CPT1A: variants seen among roughly 807,000 people sequenced by gnomAD.
CPT1A encodes the protein carnitine O-palmitoyltransferase 1, liver isoform.
CPT1A carries 64 observed loss-of-function variants against 100.8 expected under a neutral mutation model. That is an observed-to-expected ratio of 0.63 (90% CI 0.52 to 0.78). The LOEUF (loss-of-function observed/expected upper bound fraction) is 0.78, where lower values mean the gene tolerates loss of function less well. Among genes scored for constraint, CPT1A ranks in the 30% least tolerant of loss-of-function variants. The pLI is 0.00. For synonymous variants in CPT1A, 363 were observed against 396.0 expected (o/e 0.92, Z 0.99); for missense variants, 802 against 1,034.1 (o/e 0.78, Z 3.08).
intron 9 of CPT1A, among the ~76,000 whole-genome samples, chr11:68,792,310 C>G (rs961470300): frequency 6.6e-6 from 1 of 152,094 alleles, no homozygotes; most frequent in Non-Finnish European, 1.5e-5. Flanking sequence ...GCACTCCAGC[C>G]TGGGCAACAG....
At position 68,760,462 on chromosome 11, in the gene CPT1A, T is replaced by A; in HGVS notation, c.2029-124A>T. On this transcript the variant is annotated intron_variant, in intron 16 of 18. Coordinates refer to ENST00000265641, the MANE Select transcript of CPT1A (RefSeq NM_001876.4). ...TTGTTCCACACACCACAAGTCTATG[T>A]CTCCAAAGGCCTCACTGGCTTGGGC... is the stretch of plus-strand genomic sequence containing the variant. The A allele has an allele frequency of 4.8e-6, 4 of 833,156 alleles. No individual in the cohort carries two copies. The South Asian group carries it at 5.8e-5, about 12-fold the overall frequency. The allele number at this position is 833,156 out of a possible 1,614,324, so 51.6% of individuals were successfully genotyped here.
At chr11:68,799,975 A>T (rs1024504352) in intron 5 of CPT1A, among the ~76,000 whole-genome samples, 1 of 152,214 alleles carries the variant, frequency 6.6e-6, no homozygotes, top group Non-Finnish European at 1.5e-5. Context: ...AGAGTTGACA[A>T]GAAAAGTTAA....
At chr11:68,789,635 C>G (rs1049331635) in intron 9 of CPT1A, among the ~76,000 whole-genome samples, 5 of 152,180 alleles carry the variant, frequency 3.3e-5, no homozygotes, top group Non-Finnish European at 7.4e-5. Context: ...CTCCTGACCT[C>G]AAGTGATCCA....
At position 68,841,651 on chromosome 11, in the gene CPT1A, C is replaced by T. The variant is rs138827424; in HGVS notation, c.-14+124G>A. On this transcript the variant is annotated intron_variant, in intron 1 of 18. Transcript: ENST00000265641. This position sits in a 1 kb window ranked among gnomAD's most constrained non-coding sequence, Gnocchi z 6.3. ...GAATACCGGGGTTCCTCTCGGCGCC[C>T]CGGTTCCGGCGGCGTCCCCCACCCG... 8,077 of 457,202 alleles carry T rather than the reference C, an allele frequency of 0.018. 591 individuals carry two copies. The highest frequency in any genetic ancestry group is 0.15 in the African/African-American group (7,275 of 47,058). 28.3% of individuals were successfully genotyped at this position (457,202 alleles called of 1,614,324 possible).
At chr11:68,784,778 AC>A (rs781710651) in intron 10 of CPT1A, 36 bp downstream of exon 10, 7 of 1,590,670 alleles carry the variant, frequency 4.4e-6, no homozygotes, top group Non-Finnish European at 5.1e-6. Context: ...CGCCTCCACC[AC>A]CCCCCAAAAC....
At position 68,759,631 on chromosome 11, in the gene CPT1A, T is replaced by C. The variant is rs773269662; in HGVS notation, c.2173A>G (p.Ile725Val). ...TTGATGAGGTTCTCTCCCACAAGGA[T>C]GTACGACACACCATAGCCGTCATCA... ...VADDGYGVSY[I>V]LVGENLINFH... The change falls in exon 18 of 19, where the codon ATC becomes GTC. Residue 725 changes from isoleucine (I) to valine (V), a missense_variant. Physicochemically the swap from Ile to Val is conservative, Grantham distance 29. This residue lies in a region of CPT1A where 627 missense variants were observed against 799.3 expected (regional missense o/e 0.78). Coordinates refer to ENST00000265641, the MANE Select transcript of CPT1A (RefSeq NM_001876.4). The C allele has an allele frequency of 1.1e-4, 183 of 1,613,810 alleles. No individual in the cohort carries two copies. The highest frequency in any genetic ancestry group is 3.4e-6 in the Non-Finnish European group (4 of 1,179,832).
chr11:68,786,799 G>A (rs1855475306), intron 9 of CPT1A, among the ~76,000 whole-genome samples: 2 of 152,192 alleles, frequency 1.3e-5, no homozygotes, highest in South Asian at 4.1e-4. Flanking sequence ...AAAGTGCTGG[G>A]ATTACAGGCA....
intron 11 of CPT1A, among the ~76,000 whole-genome samples, chr11:68,781,449 G>A (rs1855308756): frequency 1.3e-5 from 2 of 152,000 alleles, no homozygotes; most frequent in African/African-American, 4.8e-5. Context: ...GTGAAATCCT[G>A]TCTCTACTAA....
intron 1 of CPT1A, among the ~76,000 whole-genome samples, chr11:68,819,881 G>A (rs1856532456): frequency 6.6e-6 from 1 of 152,188 alleles, no homozygotes. Flanking sequence ...ATCCAACAAG[G>A]GCCAGAGGAG....
chr11:68,817,325 G>A (rs1027639984), intron 1 of CPT1A, among the ~76,000 whole-genome samples: 1 of 152,132 alleles, frequency 6.6e-6, no homozygotes, highest in Non-Finnish European at 1.5e-5. Context: ...TCCTCCACCA[G>A]CCAAAACACA....
At chr11:68,811,604 A>G (rs1027890679) in intron 3 of CPT1A, among the ~76,000 whole-genome samples, 1 of 152,126 alleles carries the variant, frequency 6.6e-6, no homozygotes, top group Non-Finnish European at 1.5e-5. Flanking sequence ...AGCTGCGCAG[A>G]GCTGGGTTTG....
rs1855055838 is a variant in CPT1A at position 68,773,589 on chromosome 11, C to T, written c.1576-160G>A. On this transcript the variant is annotated intron_variant, in intron 13 of 18. Coordinates refer to ENST00000265641, the MANE Select transcript of CPT1A (RefSeq NM_001876.4). The stretch of plus-strand genomic sequence containing the variant: ...CCCAGAAGCCCTAGTAAGTTAGGGG[C>T]ATGGCTCCCTGACCCCGGAGGAGCA... The T allele has an allele frequency of 6.8e-6, 9 of 1,331,432 alleles. No individual in the cohort carries two copies. The South Asian group carries it at 1.1e-4, about 16-fold the overall frequency. The allele number at this position is 1,331,432 out of a possible 1,614,324, so 82.5% of individuals were successfully genotyped here. A position where few individuals can be genotyped will look rare whatever the true frequency, so the allele number is the denominator to read the frequency against.
rs1030141267 is a variant in CPT1A at position 68,819,474 on chromosome 11, G to A, written c.-13-3987C>T. 2.0e-5 allele frequency among the ~76,000 whole-genome samples: 3 copies of A among 152,164 alleles called. No individual in the cohort carries two copies. The East Asian group carries it at 5.8e-4, about 29-fold the overall frequency. On this transcript the variant is annotated intron_variant, in intron 1 of 18. Coordinates refer to ENST00000265641, the MANE Select transcript of CPT1A (RefSeq NM_001876.4). The stretch of plus-strand genomic sequence containing the variant: ...GAGGACTCTGCAAAGCATGCACCGT[G>A]GCAAATAAAGTGACGTGACTGGCTA...
intron 1 of CPT1A, chr11:68,839,464 C>T (rs1594384678): frequency 2.1e-6 from 2 of 973,444 alleles, no homozygotes; most frequent in East Asian, 1.1e-4. Flanking sequence ...GATCCTGTTC[C>T]ACCCGCCGTG....
intron 12 of CPT1A, among the ~76,000 whole-genome samples, chr11:68,775,705 T>C (rs1855124558): frequency 6.6e-6 from 1 of 152,200 alleles, no homozygotes; most frequent in Non-Finnish European, 1.5e-5. Context: ...TTCAACGGTG[T>C]TTATTGGGCA....
At chr11:68,777,741 ATGTACCC>A (rs1213652778) in intron 12 of CPT1A, among the ~76,000 whole-genome samples, 1 of 152,238 alleles carries the variant, frequency 6.6e-6, no homozygotes, top group East Asian at 1.9e-4. Flanking sequence ...TACTTGATAA[ATGTACCC>A]TGTGTGATCC....
intron 5 of CPT1A, among the ~76,000 whole-genome samples, chr11:68,802,791 G>A (rs1210130783): frequency 6.6e-6 from 1 of 151,254 alleles, no homozygotes; most frequent in Non-Finnish European, 1.5e-5. Flanking sequence ...CAGCTACTCA[G>A]GAGGCTGAAG....
At chr11:68,762,814 A>C in intron 14 of CPT1A, 53 bp from the exon 15 acceptor site, 1 of 1,609,274 alleles carries the variant, frequency 6.2e-7, no homozygotes, top group South Asian at 1.1e-5. Flanking sequence ...ATATGTCTAA[A>C]ACGTAAGGAA....
At position 68,773,252 on chromosome 11, in the gene CPT1A, G is replaced by T. The variant is rs752340021; in HGVS notation, c.1740+13C>A. ...AAGTGCTCACGACAAAACCCTAGGC[G>T]GTCAGTTCTTACCTTGTAGTGCGCC... is the stretch of plus-strand genomic sequence containing the variant. On this transcript the variant is annotated intron_variant, in intron 14 of 18. Coordinates refer to ENST00000265641, the MANE Select transcript of CPT1A (RefSeq NM_001876.4). 1.9e-6 allele frequency: 3 copies of T among 1,613,658 alleles called. No individual in the cohort carries two copies. Among genetic ancestry groups the T allele is most frequent in the Admixed American group, 3.3e-5 (2 of 60,014 alleles).
Sources: allele counts gnomAD v4.1 joint callset (sites outside exome capture counted in the v4.1 genomes callset), GRCh38; gene constraint gnomAD v4.1.1; regional missense constraint gnomAD v4.1.1; non-coding constraint Gnocchi (gnomAD v3.1); transcripts MANE v1.5; gene names NCBI Gene and HGNC (gene_info 2026-07-23, HGNC 2026-07-21).